Variants in ACTR3B observed in about 807,000 individuals in gnomAD.
The protein encoded by ACTR3B is actin related protein 3B, also known as actin-related protein 3B.
Under a neutral mutation model 59.0 loss-of-function variants are expected in ACTR3B, and 8 were observed. That is an observed-to-expected ratio of 0.14 (90% CI 0.08 to 0.24). The LOEUF (loss-of-function observed/expected upper bound fraction) is 0.24. Ranked by LOEUF, ACTR3B falls within the 10% of genes least tolerant of loss-of-function variation. The pLI, the probability that ACTR3B is intolerant of heterozygous loss-of-function variation, is 1.00. For synonymous variants in ACTR3B, 148 were observed against 197.9 expected, an observed-to-expected ratio of 0.75 and a Z score of 2.12; for missense variants, 245 against 552.3, an observed-to-expected ratio of 0.44 and a Z score of 5.58.
intron 4 of ACTR3B, among the ~76,000 whole-genome samples, chr7:152,809,945 A>C (rs1178726617): frequency 6.6e-5 from 10 of 152,032 alleles, no homozygotes; most frequent in Non-Finnish European, 2.9e-5. Context: ...TGTAAAAAAA[A>C]CCCTAATACT....
intron 7 of ACTR3B, among the ~76,000 whole-genome samples, chr7:152,822,440 C>G (rs930494475): frequency 6.6e-6 from 1 of 152,182 alleles, no homozygotes; most frequent in African/African-American, 2.4e-5. Context: ...TACCAGATAC[C>G]CAGGAAACAC....
intron 9 of ACTR3B, among the ~76,000 whole-genome samples, chr7:152,834,965 G>A: frequency 6.6e-6 from 1 of 152,206 alleles, no homozygotes; most frequent in Non-Finnish European, 1.5e-5. Context: ...CCAGAAGACT[G>A]CTGACCGCCA....
rs1228167940 is a variant in ACTR3B, at chr7:152,797,069, T to A, written c.101-3462T>A. 2.1e-4 allele frequency among the ~76,000 whole-genome samples: 32 copies of A among 151,754 alleles called. 1 individual carries two copies. The South Asian group carries it at 2.5e-3, about 12-fold the overall frequency. On this transcript the variant is annotated intron_variant, in intron 2 of 11. Coordinates refer to ENST00000256001, the MANE Select transcript of ACTR3B (RefSeq NM_020445.6). ...AATTCAGTCACAAGGATTTAAAAAA[T>A]TTTTTTAATTAAAAACAGTTTTTAA...
At chr7:152,796,060 G>T (rs1199458971) in intron 2 of ACTR3B, among the ~76,000 whole-genome samples, 1 of 152,058 alleles carries the variant, frequency 6.6e-6, no homozygotes, top group Non-Finnish European at 1.5e-5. Flanking sequence ...GGTCAGGCTG[G>T]TCTTGAACTC....
At chr7:152,803,527 G>A (rs1049400687) in intron 4 of ACTR3B, among the ~76,000 whole-genome samples, 1 of 151,984 alleles carries the variant, frequency 6.6e-6, no homozygotes, top group Non-Finnish European at 1.5e-5. Context: ...GAGCCCAGCT[G>A]CTTCCTTCTG....
At chr7:152,784,016 G>C (rs1305915306) in intron 2 of ACTR3B, among the ~76,000 whole-genome samples, 5 of 152,050 alleles carry the variant, frequency 3.3e-5, no homozygotes, top group African/African-American at 1.2e-4. Context: ...CTTGAAGCTG[G>C]GGGGTGGAGG....
intron 2 of ACTR3B, among the ~76,000 whole-genome samples, chr7:152,798,838 T>C (rs1333351903): frequency 1.3e-5 from 2 of 152,362 alleles, no homozygotes; most frequent in South Asian, 2.1e-4. Context: ...GGGCTCTTTG[T>C]TCCACTGGTT....
chr7:152,842,062 C>T (rs1797909141), intron 9 of ACTR3B, among the ~76,000 whole-genome samples: 1 of 152,242 alleles, frequency 6.6e-6, no homozygotes, highest in African/African-American at 2.4e-5. Context: ...CATCTGCTTC[C>T]TATCACTGTA....
Position 152,824,922 on chromosome 7 carries a change from T to C in ACTR3B, c.859-108T>C, listed in dbSNP as rs1796453083. 8.2e-7 allele frequency: 1 copy of C among 1,223,030 alleles called. No individual in the cohort carries two copies. Among genetic ancestry groups the C allele is most frequent in the Non-Finnish European group, 1.1e-6 (1 of 894,584 alleles). The allele number at this position is 1,223,030 out of a possible 1,614,324, so 75.8% of individuals were successfully genotyped here. A position where few individuals can be genotyped will look rare whatever the true frequency, so the allele number is the denominator to read the frequency against. On this transcript the variant is annotated intron_variant, in intron 8 of 11. Transcript: ENST00000256001. The surrounding 1 kb of genome is among the most constrained non-coding windows in gnomAD (Gnocchi z 4.2). ...TCCTTCATTCCAATGTGAATTCTTT[T>C]AAGTTATAATAAATTGTATATTTGT...
chr7:152,810,408 G>GT (rs1165466125), intron 4 of ACTR3B, among the ~76,000 whole-genome samples: 1,865 of 126,804 alleles, frequency 0.015, 25 homozygotes, highest in East Asian at 0.024. Context: ...CACCCAGCCT[G>GT]TTTTTTTTTT....
intron 1 of ACTR3B, among the ~76,000 whole-genome samples, chr7:152,782,856 C>G (rs1590233176): frequency 1.3e-5 from 2 of 152,226 alleles, no homozygotes; most frequent in East Asian, 3.9e-4. Context: ...ATAATTTCTA[C>G]TTTCTTCACA....
intron 9 of ACTR3B, among the ~76,000 whole-genome samples, chr7:152,832,919 C>G (rs889645282): frequency 1.3e-5 from 2 of 152,204 alleles, no homozygotes; most frequent in Non-Finnish European, 2.9e-5. Flanking sequence ...ACAGCAACAC[C>G]TTGGTTAGTG....
intron 1 of ACTR3B, among the ~76,000 whole-genome samples, chr7:152,778,485 C>T (rs2098141814): frequency 6.6e-6 from 1 of 152,008 alleles, no homozygotes; most frequent in African/African-American, 2.4e-5. Flanking sequence ...TGATCCAACA[C>T]CTCAGACTCC....
intron 7 of ACTR3B, among the ~76,000 whole-genome samples, chr7:152,821,874 T>C (rs2689597): frequency 0.092 from 12,146 of 131,806 alleles, no homozygotes; most frequent in South Asian, 0.19. Flanking sequence ...TCTGTGGTTG[T>C]GAACAGGCCT....
At chr7:152,801,935 A>T (rs542186868) in intron 4 of ACTR3B, among the ~76,000 whole-genome samples, 134 of 151,110 alleles carry the variant, frequency 8.9e-4, no homozygotes, top group African/African-American at 3.2e-3. Flanking sequence ...AGCCCAAGTG[A>T]GGCAGCTCTA....
chr7:152,792,543 T>C (rs1590268497), intron 2 of ACTR3B, among the ~76,000 whole-genome samples: 1 of 151,990 alleles, frequency 6.6e-6, no homozygotes, highest in African/African-American at 2.4e-5. Flanking sequence ...AGGTCAAGAA[T>C]TGAGACCATC....
Position 152,854,323 on chromosome 7 carries a change from TA to T in ACTR3B, c.1162-131del, listed in dbSNP as rs2117035743. 1.4e-6 allele frequency: 1 copy of T among 730,522 alleles called. No individual in the cohort carries two copies. Among genetic ancestry groups the T allele is most frequent in the East Asian group, 2.5e-5 (1 of 39,828 alleles). The allele number at this position is 730,522 out of a possible 1,614,324, so 45.3% of individuals were successfully genotyped here. On this transcript the variant is annotated intron_variant, in intron 11 of 11. Transcript: ENST00000256001. The surrounding 1 kb of genome is among the most constrained non-coding windows in gnomAD (Gnocchi z 4.9). ...TTAGTAGTTTAGTACATCAGAGAGG[TA>T]AAATCTTGCAGCAGCGGTCCTGGGA...
At chr7:152,810,784 C>T (rs1795167126) in intron 4 of ACTR3B, 1 of 151,866 alleles carries the variant, frequency 6.6e-6, no homozygotes, top group African/African-American at 2.4e-5. Context: ...TGCCTGTAAT[C>T]CCAGCTACTC....
chr7:152,844,752 C>T (rs113597667), intron 9 of ACTR3B, among the ~76,000 whole-genome samples: 38,866 of 144,754 alleles, frequency 0.27, 6,752 homozygotes, highest in African/African-American at 0.54. Context: ...AAAATTATTA[C>T]AGAGCCTTAT....
Sources: allele counts gnomAD v4.1 joint callset (sites outside exome capture counted in the v4.1 genomes callset), GRCh38; gene constraint gnomAD v4.1.1; non-coding constraint Gnocchi (gnomAD v3.1); transcripts MANE v1.5; gene names NCBI Gene and HGNC (gene_info 2026-07-23, HGNC 2026-07-21).